Variants in SIGLEC1 observed in about 807,000 individuals in gnomAD.
SIGLEC1 encodes the protein sialoadhesin.
Under a neutral mutation model 148.0 loss-of-function variants are expected in SIGLEC1, and 132 were observed. The observed-to-expected ratio is 0.89, with a 90% CI of 0.77 to 1.03. The LOEUF (loss-of-function observed/expected upper bound fraction) is 1.03. Among genes scored for constraint, SIGLEC1 ranks in the 50% least tolerant of loss-of-function variants. The pLI is 0.00. For synonymous variants in SIGLEC1, 945 were observed against 969.0 expected (o/e 0.98, Z 0.46); for missense variants, 2,253 against 2,271.4 (o/e 0.99, Z 0.16).
chr20:3,694,357 C>T lies in SIGLEC1; in HGVS notation c.3120G>A (p.Arg1040=). Residue 1040 remains arginine, a synonymous_variant, in exon 13 of 22, where the codon AGG becomes AGA. Transcript: ENST00000344754. Reference sequence around the variant, plus strand: ...TGTTGGGGGCCACAGCCACATGCAGCCTGGGAGAGCTGCCTTCGGGTCCCC... The same window carrying T: ...TGTTGGGGGCCACAGCCACATGCAGTCTGGGAGAGCTGCCTTCGGGTCCCC... ...GVGGPEGSSP[R]LHVAVAPNTL... The T allele has an allele frequency of 6.2e-7, 1 of 1,613,258 alleles. No individual in the cohort carries two copies. The highest frequency in any genetic ancestry group is 1.7e-5 in the Admixed American group (1 of 60,028).
At position 3,688,623 on chromosome 20, in the gene SIGLEC1, C is replaced by T. The variant is rs1183174361; in HGVS notation, c.5071-4G>A. ...TGGCTGCATCAGGATCAATGAGCTT[C>T]CCACAGAGAAAACCCTGGTCACAGG... On this transcript the variant is annotated splice_region_variant and splice_polypyrimidine_tract_variant and intron_variant, in intron 21 of 21. Transcript: ENST00000344754. 6.3e-7 allele frequency: 1 copy of T among 1,591,808 alleles called. No individual in the cohort carries two copies. Among genetic ancestry groups the T allele is most frequent in the South Asian group, 1.1e-5 (1 of 87,520 alleles).
At position 3,693,074 on chromosome 20, in the gene SIGLEC1, G is replaced by C. The variant is rs201155774; in HGVS notation, c.3566C>G (p.Ala1189Gly). 133 of 1,601,118 alleles carry C rather than the reference G, an allele frequency of 8.3e-5. No individual in the cohort carries two copies. In the East Asian group the frequency reaches 9.6e-4, roughly 12 times the overall value. The change falls in exon 15 of 22, where the codon GCC becomes GGC. Residue 1189 changes from alanine to glycine, a missense_variant. Physicochemically the swap from Ala to Gly is moderately conservative, Grantham distance 60. Transcript: ENST00000344754. ...YLLESHGGQL[A>G]LVLCTVDSRP... ...GCTGTCCACAGTGCACAGTACCAGG[G>C]CCAGCTGCCCGCCATGGCTCTCCAG...
In SIGLEC1 at chr20:3,690,187, C is replaced by A. The variant is rs1157754845; in HGVS notation, c.4669G>T (p.Asp1557Tyr). The A allele has an allele frequency of 1.3e-6, 2 of 1,568,572 alleles. No individual in the cohort carries two copies. Among genetic ancestry groups the A allele is most frequent in the Non-Finnish European group, 1.7e-6 (2 of 1,157,794 alleles). ...GTCAGGCTGGCGAGCGGCTCGCTGT[C>A]CACTCGGCAATCCAGGATGCCCCGG... ...GLRGILDCRV[D>Y]SEPLASLTLH... Residue 1557 changes from aspartate (D) to tyrosine (Y), a missense_variant, in exon 19 of 22, where the codon GAC becomes TAC. By Grantham distance (160) the Asp-to-Tyr change is radical. Coordinates refer to ENST00000344754, the MANE Select transcript of SIGLEC1 (RefSeq NM_023068.4).
In SIGLEC1 at chr20:3,694,358, C is replaced by A; in HGVS notation, c.3119G>T (p.Arg1040Met). The A allele has an allele frequency of 6.2e-7, 1 of 1,613,268 alleles. No individual in the cohort carries two copies. The highest frequency in any genetic ancestry group is 8.5e-7 in the Non-Finnish European group (1 of 1,179,958). The change falls in exon 13 of 22, where the codon AGG (arginine) becomes ATG (methionine). Residue 1040 changes from arginine (R) to methionine (M), a missense_variant. Coordinates refer to ENST00000344754, the MANE Select transcript of SIGLEC1 (RefSeq NM_023068.4). Reference sequence around the variant, plus strand: ...GTTGGGGGCCACAGCCACATGCAGCCTGGGAGAGCTGCCTTCGGGTCCCCC... The same window carrying A: ...GTTGGGGGCCACAGCCACATGCAGCATGGGAGAGCTGCCTTCGGGTCCCCC... ...GVGGPEGSSP[R>M]LHVAVAPNTL... is the part of the protein sequence containing the mutation.
In SIGLEC1 at chr20:3,687,611, T is replaced by A. The variant is rs1359110339; in HGVS notation, c.*949A>T. 1.3e-5 allele frequency: 2 copies of A among 152,198 alleles called. No homozygotes were observed. Among genetic ancestry groups the A allele is most frequent in the Non-Finnish European group, 2.9e-5 (2 of 68,040 alleles). The allele number at this position is 152,198 out of a possible 1,614,324, so 9.4% of individuals were successfully genotyped here. A position where few individuals can be genotyped will look rare whatever the true frequency, so the allele number is the denominator to read the frequency against. On this transcript the variant is annotated 3_prime_UTR_variant, in exon 22 of 22. Coordinates refer to ENST00000344754, the MANE Select transcript of SIGLEC1 (RefSeq NM_023068.4). ...CTTTTTTATTTCCTCAGTCTTAGTG[T>A]GAGAGTGATCACCTCTTCCAGGAAG...
chr20:3,696,966 T>A, intron 10 of SIGLEC1, 78 bp from the exon 11 acceptor site: 1 of 1,531,034 alleles, frequency 6.5e-7, no homozygotes, highest in East Asian at 2.3e-5. Flanking sequence ...CCCCACCTCC[T>A]GCCACACACA....
At chr20:3,700,440 C>T (rs1422743941) in intron 7 of SIGLEC1, among the ~76,000 whole-genome samples, 1 of 151,018 alleles carries the variant, frequency 6.6e-6, no homozygotes, top group Non-Finnish European at 1.5e-5. Context: ...TTTTAATTAG[C>T]TGGGTGTGGT....
chr20:3,703,580 G>A (rs967076625), intron 5 of SIGLEC1, 129 bp from the exon 6 acceptor site: 51 of 1,270,470 alleles, frequency 4.0e-5, no homozygotes, highest in Non-Finnish European at 5.5e-5. Flanking sequence ...TGCTGCTACA[G>A]GGGAGCCTCC....
chr20:3,689,162 G>C lies in SIGLEC1; in HGVS notation c.5063C>G (p.Thr1688Ser). The change falls in exon 21 of 22, where the codon ACC (threonine) becomes AGC (serine). Residue 1688 changes from threonine to serine, a missense_variant. Thr to Ser is a moderately conservative substitution (Grantham distance 58). Coordinates refer to ENST00000344754, the MANE Select transcript of SIGLEC1 (RefSeq NM_023068.4). ...NSVEMAFQKETTQLIDPDAAT... is the reference protein window; with the variant it reads ...NSVEMAFQKESTQLIDPDAAT... ...TGTGTGTTGAATGGATACCTGCGTG[G>C]TCTCTTTCTGAAAAGCCATCTCCAC... The C allele has an allele frequency of 1.2e-6, 2 of 1,613,752 alleles. No individual in the cohort carries two copies. The highest frequency in any genetic ancestry group is 4.5e-5 in the East Asian group (2 of 44,876).
At position 3,701,427 on chromosome 20, in the gene SIGLEC1, C is replaced by A; in HGVS notation, c.1443G>T (p.Leu481=). 4 of 1,614,148 alleles carry A rather than the reference C, an allele frequency of 2.5e-6. No homozygotes were observed. The highest frequency in any genetic ancestry group is 3.4e-6 in the Non-Finnish European group (4 of 1,180,030). The part of the protein sequence containing the change: ...PNSLRLEIRD[L]EETDSGEYKC... The stretch of plus-strand genomic sequence containing the variant: ...TGTACTCCCCACTGTCAGTTTCCTC[C>A]AGGTCTCGGATCTCCAGGCGCAGGG... Residue 481 remains leucine (L), a synonymous_variant, in exon 7 of 22, where the codon CTG becomes CTT. Transcript: ENST00000344754.
intron 1 of SIGLEC1, among the ~76,000 whole-genome samples, 105 bp downstream of exon 1, chr20:3,712,365 G>GCC (rs5840008): frequency 0.016 from 2,374 of 145,202 alleles, 34 homozygotes; most frequent in Non-Finnish European, 0.021. Context: ...CCCAGATGGA[G>GCC]CCCCCCCCCG....
intron 19 of SIGLEC1, 65 bp downstream of exon 19, chr20:3,689,897 C>G (rs748975985): frequency 9.3e-6 from 13 of 1,396,872 alleles, no homozygotes; most frequent in South Asian, 2.5e-5. Flanking sequence ...GGGAAGGAAG[C>G]CTTTGGGCCT....
In SIGLEC1 at chr20:3,693,567, C is replaced by T; in HGVS notation, c.3388G>A (p.Asp1130Asn). The change falls in exon 14 of 22, where the codon GAT (aspartate) becomes AAT (asparagine). Residue 1130 changes from aspartate to asparagine, a missense_variant. Transcript: ENST00000344754. ...TTGGGCAGGGGGATGGAGTGGGCAT[C>T]CAGGCGCTGCTGCCCATCCTGGTAC... is the stretch of plus-strand genomic sequence containing the variant. The part of the protein sequence containing the change: ...TWYQDGQQRL[D>N]AHSIPLPNVT... 6.2e-7 allele frequency: 1 copy of T among 1,612,674 alleles called. No homozygotes were observed. Among genetic ancestry groups the T allele is most frequent in the Non-Finnish European group, 8.5e-7 (1 of 1,179,558 alleles).
At chr20:3,689,325 G>GCCT in intron 20 of SIGLEC1, 98 bp from the exon 21 acceptor site, 1 of 1,074,152 alleles carries the variant, frequency 9.3e-7, no homozygotes, top group South Asian at 1.3e-5. Flanking sequence ...GACCACAAGA[G>GCCT]CGTGGGAACC....
At chr20:3,705,599 C>T in intron 4 of SIGLEC1, 145 bp downstream of exon 4, 1 of 799,936 alleles carries the variant, frequency 1.3e-6, no homozygotes, top group Non-Finnish European at 2.0e-6. Flanking sequence ...CAGTGTCTCT[C>T]CACTTGCCCT....
In SIGLEC1 at chr20:3,709,495, G is replaced by A. The variant is rs181784716; in HGVS notation, c.-109-2258C>T. Among the ~76,000 whole-genome samples the A allele has an allele frequency of 5.1e-3, 784 of 152,304 alleles. 4 individuals carry two copies. Among genetic ancestry groups the A allele is most frequent in the African/African-American group, 0.018 (743 of 41,566 alleles). The stretch of plus-strand genomic sequence containing the variant: ...GCTGGTGGGAATATAAAATGGTTCC[G>A]TCACTGTGGAAAACAATTGGGTCAT... On this transcript the variant is annotated intron_variant, in intron 1 of 21. Coordinates refer to ENST00000344754, the MANE Select transcript of SIGLEC1 (RefSeq NM_023068.4).
At position 3,703,957 on chromosome 20, in the gene SIGLEC1, C is replaced by T; in HGVS notation, c.841G>A (p.Val281Ile). ...VSSIKWLKDG[V>I]RLQTKTGVLH... ...ACACCAGTCTTGGTTTGGAGGCGTA[C>T]CCCATCCTTGAGCCACTTAATGGAA... The change falls in exon 5 of 22, where the codon GTA becomes ATA. Residue 281 changes from valine to isoleucine, a missense_variant. Transcript: ENST00000344754. 1.9e-6 allele frequency: 3 copies of T among 1,612,850 alleles called. No individual in the cohort carries two copies. Among genetic ancestry groups the T allele is most frequent in the Non-Finnish European group, 2.5e-6 (3 of 1,179,272 alleles).
intron 9 of SIGLEC1, 54 bp downstream of exon 9, chr20:3,697,744 C>T: frequency 6.5e-7 from 1 of 1,534,626 alleles, no homozygotes. Context: ...CGGAGCAGAA[C>T]AGTCCAGAGC....
In SIGLEC1 at chr20:3,689,189, G is replaced by C; in HGVS notation, c.5036C>G (p.Ser1679Trp). ...RVCKQSMGEN[S>W]VEMAFQKETT... ...CTCTTTCTGAAAAGCCATCTCCACC[G>C]AATTCTCGCCCATGCTCTGCTTACA... Residue 1679 changes from serine to tryptophan, a missense_variant, in exon 21 of 22, where the codon TCG becomes TGG. Ser to Trp is a radical substitution (Grantham distance 177). Transcript: ENST00000344754. The C allele has an allele frequency of 6.2e-7, 1 of 1,614,138 alleles. No homozygotes were observed. The highest frequency in any genetic ancestry group is 8.5e-7 in the Non-Finnish European group (1 of 1,179,992).
Sources: allele counts gnomAD v4.1 joint callset (sites outside exome capture counted in the v4.1 genomes callset), GRCh38; gene constraint gnomAD v4.1.1; transcripts MANE v1.5; gene names NCBI Gene and HGNC (gene_info 2026-07-23, HGNC 2026-07-21).